The following GRAP2 variants were observed in gnomAD, a reference collection of about 807,000 sequenced individuals.
GRAP2 encodes GRB2-related adapter protein 2.
GRAP2 carries 31 observed loss-of-function variants against 43.5 expected under a neutral mutation model. The ratio of observed to expected loss-of-function variants is 0.71; its 90% CI spans 0.54 to 0.96. The LOEUF is 0.96. Among genes scored for constraint, GRAP2 ranks in the 40% least tolerant of loss-of-function variants. The pLI, the probability that GRAP2 is intolerant of heterozygous loss-of-function variation, is 0.00. For synonymous variants in GRAP2, 156 were observed against 164.8 expected, an observed-to-expected ratio of 0.95 and a Z score of 0.41; for missense variants, 371 against 424.4, an observed-to-expected ratio of 0.87 and a Z score of 1.11.
intron 1 of GRAP2, among the ~76,000 whole-genome samples, chr22:39,931,268 C>T (rs529802033): frequency 2.0e-5 from 3 of 152,302 alleles, no homozygotes; most frequent in Admixed American, 6.5e-5. Flanking sequence ...GGATAGAAAT[C>T]ACCAATTCCT....
At chr22:39,942,154 A>G (rs931212948) in intron 1 of GRAP2, among the ~76,000 whole-genome samples, 2 of 152,222 alleles carry the variant, frequency 1.3e-5, no homozygotes, top group Admixed American at 6.5e-5. Flanking sequence ...TCTATTCATT[A>G]TAACTTTTCA....
intron 1 of GRAP2, among the ~76,000 whole-genome samples, chr22:39,936,285 T>TA (rs2066805870): frequency 6.6e-6 from 1 of 151,948 alleles, no homozygotes; most frequent in Non-Finnish European, 1.5e-5. Context: ...ATGCTTCACT[T>TA]ATGTTTGGGT....
At chr22:39,902,982 C>T (rs574999750) in intron 1 of GRAP2, among the ~76,000 whole-genome samples, 1 of 152,280 alleles carries the variant, frequency 6.6e-6, no homozygotes, top group Non-Finnish European at 1.5e-5. Flanking sequence ...ACTATTGCTT[C>T]CTAGAAGAGC....
chr22:39,947,069 A>G (rs1274785459), intron 1 of GRAP2, 24 bp from the exon 2 acceptor site: 3 of 1,387,246 alleles, frequency 2.2e-6, no homozygotes, highest in South Asian at 2.3e-5. Context: ...GAGAGGCACA[A>G]TGACCACATT....
rs376764591 is a variant in GRAP2, at chr22:39,955,813, A to T, written c.79-6A>T. On this transcript the variant is annotated splice_region_variant and splice_polypyrimidine_tract_variant and intron_variant, in intron 2 of 7. Coordinates refer to ENST00000344138, the MANE Select transcript of GRAP2 (RefSeq NM_004810.4). ...ATGTCTTTGTCTTTCCTTTTCTTCC[A>T]TGTAGATTTTAAGTAACCAAGAGGA... 6.9e-7 allele frequency: 1 copy of T among 1,447,008 alleles called. No individual in the cohort carries two copies. Among genetic ancestry groups the T allele is most frequent in the South Asian group, 1.1e-5 (1 of 87,708 alleles). 89.6% of individuals were successfully genotyped at this position (1,447,008 alleles called of 1,614,324 possible).
At chr22:39,946,100 A>G (rs1363494540) in intron 1 of GRAP2, among the ~76,000 whole-genome samples, 1 of 152,218 alleles carries the variant, frequency 6.6e-6, no homozygotes, top group Non-Finnish European at 1.5e-5. Context: ...ACCTCAGGTG[A>G]TCTGCCCGCC....
chr22:39,949,088 C>T (rs1337163208), intron 2 of GRAP2, among the ~76,000 whole-genome samples: 2 of 152,148 alleles, frequency 1.3e-5, no homozygotes, highest in African/African-American at 2.4e-5. Flanking sequence ...CAATTGTCTG[C>T]TGGATGTCCC....
intron 1 of GRAP2, among the ~76,000 whole-genome samples, chr22:39,925,583 G>A (rs77260205): frequency 0.01 from 1,576 of 152,196 alleles, 21 homozygotes; most frequent in African/African-American, 0.035. Context: ...CCCTAATGAC[G>A]GATTCAGCAT....
At position 39,960,135 on chromosome 22, in the gene GRAP2, C is replaced by T; in HGVS notation, c.251C>T (p.Ala84Val). The change falls in exon 4 of 8, where the codon GCC (alanine) becomes GTC (valine). Residue 84 changes from alanine to valine, a missense_variant. Coordinates refer to ENST00000344138, the MANE Select transcript of GRAP2 (RefSeq NM_004810.4). ...GAGGTTGGCTTCTTCATCATCCGGG[C>T]CAGCCAGAGCTCCCCAGGGGACTTC... ...GKEVGFFIIR[A>V]SQSSPGDFSI... is the part of the protein sequence containing the mutation. 1 of 1,612,798 alleles carries T rather than the reference C, an allele frequency of 6.2e-7. No individual in the cohort carries two copies. Among genetic ancestry groups the T allele is most frequent in the Non-Finnish European group, 8.5e-7 (1 of 1,178,750 alleles).
At chr22:39,916,063 G>A (rs776421344) in intron 1 of GRAP2, among the ~76,000 whole-genome samples, 17 of 152,202 alleles carry the variant, frequency 1.1e-4, no homozygotes, top group Middle Eastern at 3.4e-3. Context: ...TGACCCCAAG[G>A]GCTAACCCCC....
chr22:39,941,699 A>G (rs1190273818), intron 1 of GRAP2, among the ~76,000 whole-genome samples: 1 of 152,228 alleles, frequency 6.6e-6, no homozygotes, highest in Non-Finnish European at 1.5e-5. Flanking sequence ...ATTTACCATC[A>G]TCTAAGGCCA....
intron 1 of GRAP2, among the ~76,000 whole-genome samples, chr22:39,934,488 A>G (rs1434830220): frequency 6.6e-6 from 1 of 152,232 alleles, no homozygotes; most frequent in Non-Finnish European, 1.5e-5. Context: ...GAGTTGAAAG[A>G]TATAACCAGA....
chr22:39,901,566 A>T (rs2066492685), intron 1 of GRAP2, among the ~76,000 whole-genome samples: 1 of 152,228 alleles, frequency 6.6e-6, no homozygotes, highest in Non-Finnish European at 1.5e-5. Flanking sequence ...AGTCCATAAC[A>T]CAAAAATCTC....
intron 1 of GRAP2, among the ~76,000 whole-genome samples, chr22:39,932,088 G>T (rs991398851): frequency 1.3e-5 from 2 of 152,182 alleles, no homozygotes; most frequent in African/African-American, 4.8e-5. Flanking sequence ...CGGTTTTCAT[G>T]TAAGAAATCT....
chr22:39,938,856 C>T (rs181793230), intron 1 of GRAP2, among the ~76,000 whole-genome samples: 213 of 152,310 alleles, frequency 1.4e-3, no homozygotes, highest in Non-Finnish European at 2.2e-3. Context: ...ACTGTTCAAA[C>T]GCCATCCTCA....
intron 1 of GRAP2, among the ~76,000 whole-genome samples, chr22:39,943,829 C>T (rs2066894800): frequency 1.3e-5 from 2 of 151,486 alleles, no homozygotes; most frequent in African/African-American, 2.4e-5. Flanking sequence ...AAGTGATTCT[C>T]CTGCCTCAGC....
At position 39,956,007 on chromosome 22, in the gene GRAP2, G is replaced by C; in HGVS notation, c.170+97G>C. ...GTTATCCATGGGAACCCAAGACATTGTCAAAAATGGCTGCCTCTGGAGCTC... is the reference window on the plus strand; with the variant it reads ...GTTATCCATGGGAACCCAAGACATTCTCAAAAATGGCTGCCTCTGGAGCTC... On this transcript the variant is annotated intron_variant, in intron 3 of 7. Transcript: ENST00000344138. 20 of 712,370 alleles carry C rather than the reference G, an allele frequency of 2.8e-5. 1 individual carries two copies. The South Asian group carries it at 3.1e-4, about 11-fold the overall frequency. 44.1% of individuals were successfully genotyped at this position (712,370 alleles called of 1,614,324 possible). A position where few individuals can be genotyped will look rare whatever the true frequency, so the allele number is the denominator to read the frequency against.
rs192240219 is a variant in GRAP2, at chr22:39,946,113, G to A, written c.-14-980G>A. On this transcript the variant is annotated intron_variant, in intron 1 of 7. Coordinates refer to ENST00000344138, the MANE Select transcript of GRAP2 (RefSeq NM_004810.4). ...TGACCTCAGGTGATCTGCCCGCCTC[G>A]ACCTCCCAAAGTGCTGGGATTACAG... Among the ~76,000 whole-genome samples, 349 of 152,220 alleles carry A rather than the reference G, an allele frequency of 2.3e-3. 2 individuals are homozygous for A. Among genetic ancestry groups the A allele is most frequent in the African/African-American group, 7.9e-3 (330 of 41,530 alleles).
At chr22:39,940,182 G>A (rs2066852544) in intron 1 of GRAP2, among the ~76,000 whole-genome samples, 1 of 152,222 alleles carries the variant, frequency 6.6e-6, no homozygotes, top group African/African-American at 2.4e-5. Flanking sequence ...AGCAGGCACA[G>A]TAAAGGAATA....
Sources: gnomAD v4.1 joint callset for allele counts (sites outside exome capture counted in the v4.1 genomes callset) on GRCh38, gnomAD v4.1.1 for gene constraint, MANE v1.5 for transcripts, NCBI Gene and HGNC (gene_info 2026-07-23, HGNC 2026-07-21) for gene names.